The following SETD6 variants were observed in gnomAD, a reference collection of about 807,000 sequenced individuals.
SETD6 encodes the protein SET domain containing 6, protein lysine methyltransferase, also known as N-lysine methyltransferase SETD6.
In SETD6, 67 loss-of-function variants were observed where a neutral mutation model predicts 52.7. The observed-to-expected ratio is 1.27, with a 90% CI of 1.04 to 1.56. The LOEUF (loss-of-function observed/expected upper bound fraction) is 1.56, where lower values mean the gene tolerates loss of function less well. Among genes scored for constraint, SETD6 ranks in the 40% most tolerant of loss-of-function variants. The pLI is 0.00. For missense variants in SETD6, 712 were observed against 607.5 expected, an observed-to-expected ratio of 1.17 and a Z score of -1.81; for synonymous variants, 307 against 250.2, an observed-to-expected ratio of 1.23 and a Z score of -2.14.
chr16:58,521,017 G>C lies in SETD6; in HGVS notation c.*1988G>C. 2.5e-6 allele frequency: 4 copies of C among 1,614,016 alleles called. No individual in the cohort carries two copies. Among genetic ancestry groups the C allele is most frequent in the Non-Finnish European group, 3.4e-6 (4 of 1,180,040 alleles). On this transcript the variant is annotated 3_prime_UTR_variant, in exon 8 of 8. Coordinates refer to ENST00000219315, the MANE Select transcript of SETD6 (RefSeq NM_001160305.4). ...GCCTGCTTCTGTCCCATGCAGCACT[G>C]TGCGACCGACTGGAATAACCTGAAG...
chr16:58,518,722 A>G lies in SETD6; in HGVS notation c.1117-2A>G. ...ATTAAAGAGCTCTGTGGTTGCTTCT[A>G]GGTACTGTGCATGCCTGCTGAGGAG... On this transcript the variant is annotated splice_acceptor_variant, in intron 7 of 7. Coordinates refer to ENST00000219315, the MANE Select transcript of SETD6 (RefSeq NM_001160305.4). LOFTEE classifies it high-confidence loss of function. 1 of 1,613,136 alleles carries G rather than the reference A, an allele frequency of 6.2e-7. No homozygotes were observed. Among genetic ancestry groups the G allele is most frequent in the Non-Finnish European group, 8.5e-7 (1 of 1,179,606 alleles).
rs1041247848 is a variant in SETD6, at chr16:58,523,272, C to T, written c.*4243C>T. 26 of 1,310,948 alleles carry T rather than the reference C, an allele frequency of 2.0e-5. No homozygotes were observed. Among genetic ancestry groups the T allele is most frequent in the African/African-American group, 1.2e-4 (8 of 64,796 alleles). The allele number at this position is 1,310,948 out of a possible 1,614,324, so 81.2% of individuals were successfully genotyped here. A position where few individuals can be genotyped will look rare whatever the true frequency, so the allele number is the denominator to read the frequency against. ...AAAAACAAAAAAAAAACCAACCAAA[C>T]GGATTTTCACTGAACACTGAAAGCA... is the stretch of plus-strand genomic sequence containing the variant. On this transcript the variant is annotated 3_prime_UTR_variant, in exon 8 of 8. Coordinates refer to ENST00000219315, the MANE Select transcript of SETD6 (RefSeq NM_001160305.4).
In SETD6 at chr16:58,516,268, A is replaced by G. The variant is rs371010569; in HGVS notation, c.401A>G (p.Gln134Arg). The change falls in exon 3 of 8, where the codon CAG (glutamine) becomes CGG (arginine). Residue 134 changes from glutamine (Q) to arginine (R), a missense_variant. Gln to Arg is a conservative substitution (Grantham distance 43). Transcript: ENST00000219315. ...CTGCTGGCGCTGCTCCACGAGCTGCAGGCCCCGGCCTCACGCTGGAGGCCC... is the reference window on the plus strand; with the variant it reads ...CTGCTGGCGCTGCTCCACGAGCTGCGGGCCCCGGCCTCACGCTGGAGGCCC... ...PLLLALLHEL[Q>R]APASRWRPYF... The G allele has an allele frequency of 4.7e-5, 76 of 1,601,670 alleles. 2 individuals carry two copies. The South Asian group carries it at 5.6e-4, about 12-fold the overall frequency.
chr16:58,522,236 T>C lies in SETD6; in HGVS notation c.*3207T>C, dbSNP rs1421141137. ...CAGGAGGCGACAAAGCGAGACTGTCTCAAAAAAAAAAAAAAAAAAAAAAAA... is the reference window on the plus strand; with the variant it reads ...CAGGAGGCGACAAAGCGAGACTGTCCCAAAAAAAAAAAAAAAAAAAAAAAA... On this transcript the variant is annotated 3_prime_UTR_variant, in exon 8 of 8. Coordinates refer to ENST00000219315, the MANE Select transcript of SETD6 (RefSeq NM_001160305.4). Among the ~76,000 whole-genome samples, 1 of 29,740 alleles carries C rather than the reference T, an allele frequency of 3.4e-5. No individual in the cohort carries two copies. Among genetic ancestry groups the C allele is most frequent in the African/African-American group, 1.9e-4 (1 of 5,200 alleles). The allele number at this position is 29,740 out of a possible 152,430, so 19.5% of individuals were successfully genotyped here. A position where few individuals can be genotyped will look rare whatever the true frequency, so the allele number is the denominator to read the frequency against.
intron 5 of SETD6, chr16:58,517,799 C>T (rs2039216502): frequency 1.8e-6 from 1 of 550,540 alleles, no homozygotes; most frequent in Non-Finnish European, 3.2e-6. Flanking sequence ...TTAAAGCTAG[C>T]AACTTTTTAA....
chr16:58,519,785 C>A lies in SETD6; in HGVS notation c.*756C>A, dbSNP rs2039295688. 6.6e-6 allele frequency: 1 copy of A among 151,762 alleles called. No homozygotes were observed. Among genetic ancestry groups the A allele is most frequent in the Non-Finnish European group, 1.5e-5 (1 of 67,988 alleles). 9.4% of individuals were successfully genotyped at this position (151,762 alleles called of 1,614,324 possible). On this transcript the variant is annotated 3_prime_UTR_variant, in exon 8 of 8. Transcript: ENST00000219315. ...GAAAAATACAATTTCCTTAAACATG[C>A]CAGCTTAGTAGTAGGAATGACCTAT... is the stretch of plus-strand genomic sequence containing the variant.
rs1281928191 is a variant in SETD6 at position 58,521,387 on chromosome 16, T to G, written c.*2358T>G. On this transcript the variant is annotated 3_prime_UTR_variant, in exon 8 of 8. Coordinates refer to ENST00000219315, the MANE Select transcript of SETD6 (RefSeq NM_001160305.4). Reference sequence around the variant, plus strand: ...AATTCATGATTATTCTTCCATTACTTTTTTTCTAACTTCTCCCTGACTATT... The same window carrying G: ...AATTCATGATTATTCTTCCATTACTGTTTTTCTAACTTCTCCCTGACTATT... The G allele has an allele frequency of 6.7e-7, 1 of 1,492,756 alleles. No individual in the cohort carries two copies. Among genetic ancestry groups the G allele is most frequent in the East Asian group, 2.3e-5 (1 of 44,212 alleles). The allele number at this position is 1,492,756 out of a possible 1,614,324, so 92.5% of individuals were successfully genotyped here.
In SETD6 at chr16:58,515,786, CT is replaced by C; in HGVS notation, c.28-4del. The stretch of plus-strand genomic sequence containing the variant: ...GGACCTGGTCACTGCGCGCACTTAT[CT>C]CAGGTGGCGGGGCCCGTGGACGGCG... On this transcript the variant is annotated splice_polypyrimidine_tract_variant and splice_region_variant and intron_variant, in intron 1 of 7. Coordinates refer to ENST00000219315, the MANE Select transcript of SETD6 (RefSeq NM_001160305.4). The C allele has an allele frequency of 6.7e-7, 1 of 1,497,838 alleles. No homozygotes were observed. The highest frequency in any genetic ancestry group is 1.3e-5 in the South Asian group (1 of 75,562). The allele number at this position is 1,497,838 out of a possible 1,614,324, so 92.8% of individuals were successfully genotyped here. A position where few individuals can be genotyped will look rare whatever the true frequency, so the allele number is the denominator to read the frequency against.
Position 58,523,219 on chromosome 16 carries a change from T to A in SETD6, c.*4190T>A. ...AAGATGGCGCCACTGTACTGCAGAC[T>A]GAGTGACAGAGCAACACTCCGTCTC... On this transcript the variant is annotated 3_prime_UTR_variant, in exon 8 of 8. Transcript: ENST00000219315. 1 of 712,950 alleles carries A rather than the reference T, an allele frequency of 1.4e-6. No individual in the cohort carries two copies. Among genetic ancestry groups the A allele is most frequent in the Non-Finnish European group, 2.1e-6 (1 of 470,110 alleles). The allele number at this position is 712,950 out of a possible 1,614,324, so 44.2% of individuals were successfully genotyped here. A position where few individuals can be genotyped will look rare whatever the true frequency, so the allele number is the denominator to read the frequency against.
Position 58,521,175 on chromosome 16 carries a change from G to T in SETD6, c.*2146G>T. Reference sequence around the variant, plus strand: ...TTCCTAGACAATTAAAAATTACTTTGAACTCACTTTTCGATTTCTGGGGCA... The same window carrying T: ...TTCCTAGACAATTAAAAATTACTTTTAACTCACTTTTCGATTTCTGGGGCA... On this transcript the variant is annotated 3_prime_UTR_variant, in exon 8 of 8. Coordinates refer to ENST00000219315, the MANE Select transcript of SETD6 (RefSeq NM_001160305.4). 3 of 1,612,960 alleles carry T rather than the reference G, an allele frequency of 1.9e-6. No individual in the cohort carries two copies. Among genetic ancestry groups the T allele is most frequent in the Non-Finnish European group, 1.7e-6 (2 of 1,179,740 alleles).
rs2039246779 is a variant in SETD6, at chr16:58,518,429, A to G, written c.1002A>G (p.Leu334=). 6.3e-7 allele frequency: 1 copy of G among 1,583,898 alleles called. No individual in the cohort carries two copies. Among genetic ancestry groups the G allele is most frequent in the Non-Finnish European group, 8.5e-7 (1 of 1,171,852 alleles). ...QGTKTEAERH[L]VYERWDFLCK... ...CAAAAACTGAAGCTGAAAGGCACCTAGTGTACGAGCGCTGGGATTTCCTAT... is the reference window on the plus strand; with the variant it reads ...CAAAAACTGAAGCTGAAAGGCACCTGGTGTACGAGCGCTGGGATTTCCTAT... Residue 334 remains leucine, a synonymous_variant, in exon 7 of 8, where the codon CTA becomes CTG. Transcript: ENST00000219315.
intron 5 of SETD6, chr16:58,517,546 T>G: frequency 5.5e-6 from 1 of 183,322 alleles, no homozygotes. Flanking sequence ...TGATCTCGGC[T>G]CACTGCAACT....
rs777723120 is a variant in SETD6, at chr16:58,518,809, C to G, written c.1202C>G (p.Thr401Arg). Reference sequence around the variant, plus strand: ...GATAAAAGGGAAGAGGGCAGCCTGACGATCACAAATATTCCCAAGCTCAAA... The same window carrying G: ...GATAAAAGGGAAGAGGGCAGCCTGAGGATCACAAATATTCCCAAGCTCAAA... ...GDDKREEGSLTITNIPKLKAS... is the reference protein window; with the variant it reads ...GDDKREEGSLRITNIPKLKAS... Residue 401 changes from threonine to arginine, a missense_variant, in exon 8 of 8, where the codon ACG becomes AGG. Coordinates refer to ENST00000219315, the MANE Select transcript of SETD6 (RefSeq NM_001160305.4). The G allele has an allele frequency of 6.2e-7, 1 of 1,614,010 alleles. No individual in the cohort carries two copies. Among genetic ancestry groups the G allele is most frequent in the East Asian group, 2.2e-5 (1 of 44,884 alleles).
At position 58,516,290 on chromosome 16, in the gene SETD6, G is replaced by C. The variant is rs747689328; in HGVS notation, c.423G>C (p.Arg141Ser). 6.2e-7 allele frequency: 1 copy of C among 1,604,858 alleles called. No homozygotes were observed. The highest frequency in any genetic ancestry group is 8.5e-7 in the Non-Finnish European group (1 of 1,179,870). Residue 141 changes from arginine (R) to serine (S), a missense_variant, in exon 3 of 8, where the codon AGG (arginine) becomes AGC (serine). Transcript: ENST00000219315. ...TGCAGGCCCCGGCCTCACGCTGGAG[G>C]CCCTACTTTGCGCTCTGGCCCGAGC... is the stretch of plus-strand genomic sequence containing the variant. ...HELQAPASRW[R>S]PYFALWPELG...
Position 58,515,924 on chromosome 16 carries a change from G to GA in SETD6, c.161_162insA (p.Ala55GlyfsTer121). The GA allele has an allele frequency of 6.6e-7, 1 of 1,511,768 alleles. No homozygotes were observed. The highest frequency in any genetic ancestry group is 1.2e-5 in the South Asian group (1 of 80,676). 93.6% of individuals were successfully genotyped at this position (1,511,768 alleles called of 1,614,324 possible). ...GGGCGGAGGACCCGCGGCGGGGCGC[G>GA]GGCTGCCCTGACCAGCCCTCCTGCT... On this transcript the variant is annotated frameshift_variant, in exon 2 of 8. Transcript: ENST00000219315. LOFTEE classifies it high-confidence loss of function.
intron 5 of SETD6, chr16:58,517,227 CTG>C (rs2039196719): frequency 7.4e-6 from 3 of 407,086 alleles, no homozygotes; most frequent in South Asian, 4.3e-5. Context: ...TGAGCCCAGA[CTG>C]TGTGTGGCTC....
At chr16:58,515,495 A>G (rs1324675793), upstream of SETD6, 6 of 1,565,756 alleles carry the variant, frequency 3.8e-6, no homozygotes, top group East Asian at 2.4e-5. Context: ...GCCGGAAGTG[A>G]CCGCGCGGTG....
In SETD6 at chr16:58,519,847, G is replaced by A. The variant is rs1402698329; in HGVS notation, c.*818G>A. 2 of 152,142 alleles carry A rather than the reference G, an allele frequency of 1.3e-5. No individual in the cohort carries two copies. The highest frequency in any genetic ancestry group is 3.9e-4 in the East Asian group (2 of 5,188). 9.4% of individuals were successfully genotyped at this position (152,142 alleles called of 1,614,324 possible). ...TCAATCATTCAGCAAGAAGTTAGTT[G>A]GTGGTTCCCCATGGCCCCAAGGTCT... On this transcript the variant is annotated 3_prime_UTR_variant, in exon 8 of 8. Coordinates refer to ENST00000219315, the MANE Select transcript of SETD6 (RefSeq NM_001160305.4).
chr16:58,518,734 T>G lies in SETD6; in HGVS notation c.1127T>G (p.Met376Arg). Residue 376 changes from methionine (M) to arginine (R), a missense_variant, in exon 8 of 8, where the codon ATG (methionine) becomes AGG (arginine). Physicochemically the swap from Met to Arg is moderately conservative, Grantham distance 91. Coordinates refer to ENST00000219315, the MANE Select transcript of SETD6 (RefSeq NM_001160305.4). The stretch of plus-strand genomic sequence containing the variant: ...TGTGGTTGCTTCTAGGTACTGTGCA[T>G]GCCTGCTGAGGAGTTCAGAGAGCTT... ...ELTTTLKVLCMPAEEFRELKD... is the reference protein window; with the variant it reads ...ELTTTLKVLCRPAEEFRELKD... 6.2e-7 allele frequency: 1 copy of G among 1,614,072 alleles called. No homozygotes were observed. Among genetic ancestry groups the G allele is most frequent in the South Asian group, 1.1e-5 (1 of 91,062 alleles).
Sources: allele counts gnomAD v4.1 joint callset (sites outside exome capture counted in the v4.1 genomes callset), GRCh38; gene constraint gnomAD v4.1.1; transcripts MANE v1.5; gene names NCBI Gene and HGNC (gene_info 2026-07-23, HGNC 2026-07-21).